CHD1L: variants seen among roughly 807,000 people sequenced by gnomAD.
CHD1L encodes the protein ATP-dependent chromatin remodeler CHD1L.
In CHD1L, 118 loss-of-function variants were observed where a neutral mutation model predicts 115.9. The ratio of observed to expected loss-of-function variants is 1.02; its 90% CI spans 0.88 to 1.19. The LOEUF is 1.19. Ranked by LOEUF, CHD1L falls within the 50% of genes most tolerant of loss-of-function variation. The pLI is 0.00. For missense variants in CHD1L, 1,179 were observed against 1,065.3 expected (o/e 1.11, Z -1.49); for synonymous variants, 411 against 387.1 (o/e 1.06, Z -0.72).
At chr1:147,285,262 G>A (rs1682604950) in intron 16 of CHD1L, 62 bp from the exon 17 acceptor site, 1 of 1,544,658 alleles carries the variant, frequency 6.5e-7, no homozygotes, top group African/African-American at 1.4e-5. Context: ...TGTGTGTTAG[G>A]GATAATGAAA....
At chr1:147,293,229 G>T (rs1686252129) in intron 20 of CHD1L, among the ~76,000 whole-genome samples, 1 of 152,106 alleles carries the variant, frequency 6.6e-6, no homozygotes, top group South Asian at 2.1e-4. Flanking sequence ...CCTGGGGGTT[G>T]TGGAGCTGAC....
chr1:147,255,146 A>T (rs1203757009), intron 3 of CHD1L, among the ~76,000 whole-genome samples, 170 bp downstream of exon 3: 1 of 152,246 alleles, frequency 6.6e-6, no homozygotes, highest in African/African-American at 2.4e-5. Context: ...ATAGGGGAAG[A>T]GTAATATTAT....
At chr1:147,242,340 G>A (rs147321959), upstream of CHD1L, among the ~76,000 whole-genome samples, 3 of 152,276 alleles carry the variant, frequency 2.0e-5, no homozygotes, top group African/African-American at 7.2e-5. Flanking sequence ...AACCCCCAGG[G>A]CCCAGCGGAG....
the CHD1L span, among the ~76,000 whole-genome samples, chr1:147,213,658 G>GA: frequency 1.3e-5 from 2 of 152,094 alleles, no homozygotes; most frequent in African/African-American, 4.8e-5. Context: ...CCACAAGACA[G>GA]AAAAAAATAA....
the CHD1L span, chr1:147,211,056 G>C: frequency 6.6e-6 from 1 of 152,152 alleles, no homozygotes; most frequent in East Asian, 1.9e-4. Flanking sequence ...CTCAGCAATT[G>C]AGTTTCTTCA....
intron 1 of CHD1L, among the ~76,000 whole-genome samples, chr1:147,243,735 T>C (rs1286143485): frequency 6.6e-6 from 1 of 151,646 alleles, no homozygotes; most frequent in African/African-American, 2.4e-5. Context: ...TGAATGCTAC[T>C]GGGAGCGTAT....
At chr1:147,204,141 A>G in the CHD1L span, 29 of 1,074,332 alleles carry the variant, frequency 2.7e-5, no homozygotes, top group Admixed American at 4.4e-4. Flanking sequence ...AAATTCATCA[A>G]TTCTTCATCA....
rs1683751086 is a variant in CHD1L, at chr1:147,287,688, T to C, written c.2275T>C (p.Ser759Pro). ...GGLFTALEKR[S>P]AEPRKIYELA... ...TTTATTTACAGCTCTGGAAAAGCGA[T>C]CCGCTGAGCCAAGAAAAATATATGA... Residue 759 changes from serine (S) to proline (P), a missense_variant, in exon 19 of 23, where the codon TCC becomes CCC. Coordinates refer to ENST00000369258, the MANE Select transcript of CHD1L (RefSeq NM_004284.6). The C allele has an allele frequency of 5.0e-6, 8 of 1,613,858 alleles. No individual in the cohort carries two copies. The highest frequency in any genetic ancestry group is 1.1e-5 in the South Asian group (1 of 91,080).
the CHD1L span, among the ~76,000 whole-genome samples, chr1:147,237,388 C>T: frequency 6.6e-6 from 1 of 151,972 alleles, no homozygotes; most frequent in Non-Finnish European, 1.5e-5. Context: ...ACAGGGAGGC[C>T]GAGTTGGTGG....
Position 147,275,756 on chromosome 1 carries a change from G to T in CHD1L, c.1385+288G>T, listed in dbSNP as rs12023638. Among the ~76,000 whole-genome samples, 7,997 of 147,278 alleles carry T rather than the reference G, an allele frequency of 0.054. 521 individuals carry two copies. The highest frequency in any genetic ancestry group is 0.17 in the East Asian group (868 of 5,038). ...TTAGGGTCTGACTCAGTTAAAAAAT[G>T]GGGTTATGGGGCTATGGAGCTAAGC... On this transcript the variant is annotated intron_variant, in intron 13 of 22. Transcript: ENST00000369258.
chr1:147,267,649 G>T, intron 9 of CHD1L, 131 bp downstream of exon 9: 1 of 649,868 alleles, frequency 1.5e-6, no homozygotes, highest in East Asian at 2.8e-5. Context: ...TCTCTGTATT[G>T]GTATTAACTC....
the CHD1L span, chr1:147,201,169 G>T: frequency 1.2e-6 from 2 of 1,612,278 alleles, no homozygotes; most frequent in South Asian, 2.2e-5. Context: ...TACCTGAGTG[G>T]CCCAGCGTCC....
the CHD1L span, among the ~76,000 whole-genome samples, chr1:147,173,743 T>C: frequency 6.6e-6 from 1 of 152,188 alleles, no homozygotes; most frequent in Admixed American, 6.5e-5. Context: ...CTGTTAGAAA[T>C]GCAGAATCAG....
intron 22 of CHD1L, 135 bp downstream of exon 22, chr1:147,294,652 C>G: frequency 3.5e-6 from 2 of 574,730 alleles, no homozygotes; most frequent in Non-Finnish European, 5.9e-6. Context: ...TTCAGTGAGA[C>G]AAAGAAAGAA....
At chr1:147,198,962 A>T in the CHD1L span, among the ~76,000 whole-genome samples, 17 of 151,724 alleles carry the variant, frequency 1.1e-4, no homozygotes, top group Non-Finnish European at 1.8e-4. Context: ...ACTTCTTGTG[A>T]TCCAGAGATT....
intron 6 of CHD1L, among the ~76,000 whole-genome samples, chr1:147,263,891 T>C (rs1456332129): frequency 1.3e-5 from 2 of 152,230 alleles, no homozygotes; most frequent in African/African-American, 4.8e-5. Flanking sequence ...TGTGGTGCTG[T>C]GTCCAGAAAC....
At chr1:147,229,688 G>C in the CHD1L span, among the ~76,000 whole-genome samples, 1 of 152,076 alleles carries the variant, frequency 6.6e-6, no homozygotes, top group Non-Finnish European at 1.5e-5. Flanking sequence ...ATTTCATTGA[G>C]CAGTGGTTTG....
chr1:147,247,121 G>A (rs895310305), intron 1 of CHD1L, among the ~76,000 whole-genome samples: 7 of 152,190 alleles, frequency 4.6e-5, no homozygotes, highest in African/African-American at 7.2e-5. Context: ...AGTGTTGAGA[G>A]ATTTGCCTCT....
At chr1:147,250,399 G>A (rs782000916) in intron 1 of CHD1L, among the ~76,000 whole-genome samples, 1 of 152,126 alleles carries the variant, frequency 6.6e-6, no homozygotes, top group Non-Finnish European at 1.5e-5. Context: ...AGGGTCTGCT[G>A]CCTTGTTAGT....
Sources: gnomAD v4.1 joint callset for allele counts (sites outside exome capture counted in the v4.1 genomes callset) on GRCh38, gnomAD v4.1.1 for gene constraint, MANE v1.5 for transcripts, NCBI Gene and HGNC (gene_info 2026-07-23, HGNC 2026-07-21) for gene names.